TENM3: variants seen among roughly 807,000 people sequenced by gnomAD.
The protein encoded by TENM3 is teneurin transmembrane protein 3, also known as teneurin-3.
Under a neutral mutation model 255.1 loss-of-function variants are expected in TENM3, and 63 were observed. The ratio of observed to expected loss-of-function variants is 0.25; its 90% CI spans 0.20 to 0.30. The LOEUF (loss-of-function observed/expected upper bound fraction) is 0.30, where lower values mean the gene tolerates loss of function less well. Ranked by LOEUF, TENM3 falls within the 10% of genes least tolerant of loss-of-function variation. The pLI, the probability that TENM3 is intolerant of heterozygous loss-of-function variation, is 1.00. For missense variants in TENM3, 2,929 were observed against 3,461.1 expected (o/e 0.85, Z 3.86); for synonymous variants, 1,306 against 1,322.3 (o/e 0.99, Z 0.27).
At chr4:182,195,842 T>C (rs1484941774) in intron 1 of TENM3, among the ~76,000 whole-genome samples, 3 of 152,150 alleles carry the variant, frequency 2.0e-5, no homozygotes, top group African/African-American at 7.2e-5. Flanking sequence ...ATTATTACTA[T>C]TTATGAAGGA....
chr4:182,299,016 A>AAAAAAAAT (rs1554045594), intron 1 of TENM3, among the ~76,000 whole-genome samples: 1 of 102,296 alleles, frequency 9.8e-6, no homozygotes, highest in Non-Finnish European at 1.9e-5. Context: ...AAAAAAAAAA[A>AAAAAAAAT]GAGGTAATGG....
chr4:182,708,687 A>G (rs1383222625), intron 12 of TENM3, among the ~76,000 whole-genome samples: 3 of 151,856 alleles, frequency 2.0e-5, no homozygotes, highest in African/African-American at 4.8e-5. Flanking sequence ...AGTCCCAGCT[A>G]CTCAGGAGGC....
chr4:182,517,320 G>C (rs1263196591), intron 3 of TENM3, among the ~76,000 whole-genome samples: 2 of 151,788 alleles, frequency 1.3e-5, no homozygotes, highest in Non-Finnish European at 2.9e-5. Flanking sequence ...GAATTCAGCA[G>C]GCTCTTCGGC....
upstream of TENM3, among the ~76,000 whole-genome samples, chr4:182,240,401 T>C (rs1757171909): frequency 6.6e-6 from 1 of 152,180 alleles, no homozygotes; most frequent in South Asian, 2.1e-4. Flanking sequence ...CCGGCTATCA[T>C]CATAACCTCT....
At chr4:181,840,992 A>G in the TENM3 span, among the ~76,000 whole-genome samples, 1 of 152,104 alleles carries the variant, frequency 6.6e-6, no homozygotes, top group African/African-American at 2.4e-5. Flanking sequence ...CTAGCAATCC[A>G]TGCTGTTTTA....
intron 3 of TENM3, among the ~76,000 whole-genome samples, chr4:182,585,469 C>T (rs922030858): frequency 1.3e-5 from 2 of 152,124 alleles, no homozygotes; most frequent in Non-Finnish European, 2.9e-5. Context: ...GCCGCATTAG[C>T]ATCCTTATAA....
chr4:181,613,077 T>G, the TENM3 span, among the ~76,000 whole-genome samples: 1 of 152,246 alleles, frequency 6.6e-6, no homozygotes, highest in African/African-American at 2.4e-5. Context: ...CCGTTTGGTA[T>G]GTTGAAAAAC....
chr4:182,096,129 CA>C, the TENM3 span, among the ~76,000 whole-genome samples: 141 of 130,500 alleles, frequency 1.1e-3, no homozygotes, highest in East Asian at 1.8e-3. Flanking sequence ...GACCCTGTCT[CA>C]AAAAAAAAAA....
the TENM3 span, among the ~76,000 whole-genome samples, chr4:181,923,566 G>A: frequency 2.0e-5 from 3 of 152,222 alleles, no homozygotes; most frequent in South Asian, 6.2e-4. Flanking sequence ...GCTTATCAAA[G>A]CCGATTATTA....
At chr4:181,573,188 C>T in the TENM3 span, among the ~76,000 whole-genome samples, 1 of 152,050 alleles carries the variant, frequency 6.6e-6, no homozygotes, top group Non-Finnish European at 1.5e-5. Flanking sequence ...TTGTGAATAG[C>T]GCTGCAGTAA....
intron 16 of TENM3, among the ~76,000 whole-genome samples, chr4:182,733,111 C>T (rs1435327439): frequency 1.3e-5 from 2 of 152,116 alleles, no homozygotes; most frequent in Non-Finnish European, 2.9e-5. Context: ...AAGCAGGGGA[C>T]AGTGGATAGA....
chr4:181,515,289 G>A, the TENM3 span, among the ~76,000 whole-genome samples: 1 of 152,306 alleles, frequency 6.6e-6, no homozygotes, highest in East Asian at 1.9e-4. Context: ...ATCATTGCAA[G>A]TGGTTGGGAC....
At chr4:181,523,267 T>C in the TENM3 span, among the ~76,000 whole-genome samples, 1 of 152,170 alleles carries the variant, frequency 6.6e-6, no homozygotes, top group Non-Finnish European at 1.5e-5. Flanking sequence ...AAATTATTTA[T>C]GCGTAACATT....
chr4:182,570,733 T>C (rs1744271290), intron 3 of TENM3, among the ~76,000 whole-genome samples: 2 of 151,886 alleles, frequency 1.3e-5, no homozygotes, highest in Admixed American at 6.6e-5. Context: ...CTTGGGAGGC[T>C]GAGGCAGGAG....
At chr4:181,774,896 C>A in the TENM3 span, among the ~76,000 whole-genome samples, 3 of 135,916 alleles carry the variant, frequency 2.2e-5, no homozygotes, top group Admixed American at 1.5e-4. Flanking sequence ...TGTTTGAGTT[C>A]ATTGTAGATT....
At chr4:182,187,746 C>A (rs1191529223) in intron 1 of TENM3, among the ~76,000 whole-genome samples, 1 of 152,080 alleles carries the variant, frequency 6.6e-6, no homozygotes, top group Non-Finnish European at 1.5e-5. Flanking sequence ...AGAGAACATA[C>A]TAACACATTT....
At chr4:181,612,385 G>A in the TENM3 span, among the ~76,000 whole-genome samples, 14 of 152,100 alleles carry the variant, frequency 9.2e-5, no homozygotes, top group African/African-American at 3.4e-4. Context: ...TTCAGCCCAG[G>A]GGGGAAATCA....
In TENM3 at chr4:182,398,015, A is replaced by G. The variant is rs559452122; in HGVS notation, c.511+51086A>G. Among the ~76,000 whole-genome samples the G allele has an allele frequency of 2.6e-5, 4 of 152,258 alleles. No homozygotes were observed. The East Asian group carries it at 7.7e-4, about 29-fold the overall frequency. The stretch of plus-strand genomic sequence containing the variant: ...GTTTCGGATAAGTCTGGCATTTAAT[A>G]TTAGAGAAGTACTTTGAGTCCTGGA... On this transcript the variant is annotated intron_variant, in intron 3 of 27. Transcript: ENST00000511685.
chr4:181,553,868 C>G, the TENM3 span, among the ~76,000 whole-genome samples: 1 of 151,884 alleles, frequency 6.6e-6, no homozygotes, highest in Non-Finnish European at 1.5e-5. Context: ...GGACTTCTCC[C>G]TTTAAGTGGG....
Sources: allele counts gnomAD v4.1 joint callset (sites outside exome capture counted in the v4.1 genomes callset), GRCh38; gene constraint gnomAD v4.1.1; transcripts MANE v1.5; gene names NCBI Gene and HGNC (gene_info 2026-07-23, HGNC 2026-07-21).